Variants in NEGR1 observed in about 807,000 individuals in gnomAD.
NEGR1 encodes neuronal growth regulator 1, also known as IgLON family member 4.
A neutral mutation model predicts 40.9 loss-of-function variants in NEGR1; 10 were observed. The ratio of observed to expected loss-of-function variants is 0.24; its 90% confidence interval spans 0.15 to 0.42. The LOEUF (loss-of-function observed/expected upper bound fraction) is 0.42, where lower values mean the gene tolerates loss of function less well. Ranked by LOEUF, NEGR1 falls within the 10% of genes least tolerant of loss-of-function variation. The pLI, the probability that NEGR1 is intolerant of heterozygous loss-of-function variation, is 1.00. For synonymous variants in NEGR1, 185 were observed against 166.8 expected (o/e 1.11, Z -0.84); for missense variants, 352 against 438.9 (o/e 0.80, Z 1.77).
intron 1 of NEGR1, among the ~76,000 whole-genome samples, chr1:72,021,616 T>C (rs1646757291): frequency 6.6e-6 from 1 of 152,180 alleles, no homozygotes; most frequent in Non-Finnish European, 1.5e-5. Context: ...TGAAAAACTT[T>C]ATAACAACAT....
At chr1:71,607,043 G>A (rs937403141) in intron 5 of NEGR1, among the ~76,000 whole-genome samples, 7 of 152,096 alleles carry the variant, frequency 4.6e-5, no homozygotes, top group African/African-American at 1.4e-4. Flanking sequence ...TAAAGCGATC[G>A]TATAAGTTAT....
intron 6 of NEGR1, among the ~76,000 whole-genome samples, chr1:71,500,777 A>G (rs749164202): frequency 1.3e-5 from 2 of 152,074 alleles, no homozygotes; most frequent in Non-Finnish European, 2.9e-5. Flanking sequence ...CATATAACCA[A>G]TGCATAGCCT....
intron 6 of NEGR1, among the ~76,000 whole-genome samples, chr1:71,514,163 GC>G (rs1453138874): frequency 2.1e-5 from 3 of 146,180 alleles, no homozygotes; most frequent in Admixed American, 6.8e-5. Flanking sequence ...GCCCGCCATT[GC>G]CCAGGCTTGC....
intron 1 of NEGR1, among the ~76,000 whole-genome samples, chr1:72,096,724 C>T (rs1192999507): frequency 6.6e-6 from 1 of 151,782 alleles, no homozygotes; most frequent in African/African-American, 2.4e-5. Flanking sequence ...TGCAGTGGTG[C>T]GATTTTGGCT....
At chr1:72,245,795 T>A (rs1296701103) in intron 1 of NEGR1, among the ~76,000 whole-genome samples, 1 of 152,146 alleles carries the variant, frequency 6.6e-6, no homozygotes, top group Non-Finnish European at 1.5e-5. Flanking sequence ...AATATTCCAT[T>A]AATCCAAAAC....
chr1:72,011,165 T>C (rs1202176840), intron 1 of NEGR1, among the ~76,000 whole-genome samples: 1 of 152,108 alleles, frequency 6.6e-6, no homozygotes, highest in Non-Finnish European at 1.5e-5. Flanking sequence ...TTGAGCACTG[T>C]GGGGGCTGAT....
chr1:71,894,375 C>T (rs1660904743), intron 2 of NEGR1, among the ~76,000 whole-genome samples: 2 of 152,082 alleles, frequency 1.3e-5, no homozygotes, highest in Non-Finnish European at 2.9e-5. Context: ...GGAATAGGGG[C>T]TCTTTGAAGC....
intron 1 of NEGR1, among the ~76,000 whole-genome samples, chr1:72,039,723 T>C (rs1246143820): frequency 3.9e-5 from 6 of 151,936 alleles, no homozygotes; most frequent in Non-Finnish European, 8.8e-5. Flanking sequence ...AAATAATAAA[T>C]ACTCAAGGAC....
chr1:72,025,556 C>A (rs952043136), intron 1 of NEGR1, among the ~76,000 whole-genome samples: 1 of 152,100 alleles, frequency 6.6e-6, no homozygotes, highest in African/African-American at 2.4e-5. Flanking sequence ...TTAAACTGAG[C>A]TTAAAATCAA....
intron 2 of NEGR1, among the ~76,000 whole-genome samples, chr1:71,846,288 G>T (rs1266470139): frequency 6.6e-6 from 1 of 151,928 alleles, no homozygotes; most frequent in South Asian, 2.1e-4. Flanking sequence ...CTAGGAGTCC[G>T]ATTAGCCACA....
intron 2 of NEGR1, among the ~76,000 whole-genome samples, chr1:71,872,782 A>C (rs1190340878): frequency 6.6e-6 from 1 of 152,150 alleles, no homozygotes; most frequent in Non-Finnish European, 1.5e-5. Context: ...TTTGTGTGAA[A>C]CCCAAAAGAA....
intron 1 of NEGR1, among the ~76,000 whole-genome samples, chr1:72,271,252 G>A (rs1655834294): frequency 6.6e-6 from 1 of 151,826 alleles, no homozygotes; most frequent in African/African-American, 2.4e-5. Flanking sequence ...TCAAGAAAGA[G>A]ATGCAGAAGA....
chr1:72,170,025 T>A (rs919238171), intron 1 of NEGR1, among the ~76,000 whole-genome samples: 15 of 152,170 alleles, frequency 9.9e-5, no homozygotes, highest in African/African-American at 3.6e-4. Flanking sequence ...CTCAGTACTA[T>A]ATATTATTTC....
intron 2 of NEGR1, among the ~76,000 whole-genome samples, chr1:71,853,977 A>C (rs1302157231): frequency 1.3e-5 from 2 of 152,164 alleles, no homozygotes; most frequent in African/African-American, 4.8e-5. Flanking sequence ...CCCTCAGCAC[A>C]AAGAGCAGAA....
intron 2 of NEGR1, among the ~76,000 whole-genome samples, chr1:71,934,087 G>C (rs941988030): frequency 6.6e-6 from 1 of 151,938 alleles, no homozygotes; most frequent in Non-Finnish European, 1.5e-5. Context: ...GCATGCTCTG[G>C]CACCACATTA....
In NEGR1 at chr1:71,405,401, T is replaced by C. The variant is rs1467172647; in HGVS notation, c.*2045A>G. 1 of 152,276 alleles carries C rather than the reference T, an allele frequency of 6.6e-6. No individual in the cohort carries two copies. The highest frequency in any genetic ancestry group is 2.4e-5 in the African/African-American group (1 of 41,422). 9.4% of individuals were successfully genotyped at this position (152,276 alleles called of 1,614,324 possible). Reference sequence around the variant, plus strand: ...TAGATTATTATGGAGTGTGCCACTTTAAAGCTGCAATACAAAATAATATTT... The same window carrying C: ...TAGATTATTATGGAGTGTGCCACTTCAAAGCTGCAATACAAAATAATATTT... On this transcript the variant is annotated 3_prime_UTR_variant, in exon 7 of 7. Transcript: ENST00000357731.
chr1:72,190,108 A>G (rs1652765838), intron 1 of NEGR1, among the ~76,000 whole-genome samples: 1 of 151,612 alleles, frequency 6.6e-6, no homozygotes, highest in Non-Finnish European at 1.5e-5. Flanking sequence ...AGCCACGTAC[A>G]CATGAATGAA....
chr1:72,151,198 A>G (rs2100355505), intron 1 of NEGR1, among the ~76,000 whole-genome samples: 1 of 151,890 alleles, frequency 6.6e-6, no homozygotes, highest in East Asian at 1.9e-4. Flanking sequence ...TCTTTAATGC[A>G]TAAATGTTTG....
chr1:71,764,283 G>A (rs1393635362), intron 3 of NEGR1, among the ~76,000 whole-genome samples: 1 of 152,128 alleles, frequency 6.6e-6, no homozygotes, highest in South Asian at 2.1e-4. Flanking sequence ...TTGACTAGTA[G>A]GATGCATAGT....
Sources: allele counts gnomAD v4.1 joint callset (sites outside exome capture counted in the v4.1 genomes callset), GRCh38; gene constraint gnomAD v4.1.1; transcripts MANE v1.5; gene names NCBI Gene and HGNC (gene_info 2026-07-23, HGNC 2026-07-21).